PHACTR2: variants seen among roughly 807,000 people sequenced by gnomAD.
PHACTR2 encodes phosphatase and actin regulator 2.
PHACTR2 carries 30 observed loss-of-function variants against 76.0 expected under a neutral mutation model. The observed-to-expected ratio is 0.39, with a 90% CI of 0.30 to 0.54. The LOEUF is 0.54. Among genes scored for constraint, PHACTR2 ranks in the 20% least tolerant of loss-of-function variants. The pLI is 0.61. For missense variants in PHACTR2, 696 were observed against 781.1 expected, an observed-to-expected ratio of 0.89 and a Z score of 1.30; for synonymous variants, 292 against 292.5, an observed-to-expected ratio of 1.00 and a Z score of 0.02.
rs41285023 is a variant in PHACTR2 at position 143,608,313 on chromosome 6, G to A, written c.4G>A (p.Asp2Asn). The change falls in exon 1 of 12, where the codon GAC becomes AAC. Residue 2 changes from aspartate (D) to asparagine (N), a missense_variant. Physicochemically the swap from Asp to Asn is conservative, Grantham distance 23. Transcript: ENST00000305766. The surrounding 1 kb of genome is among the most constrained non-coding windows in gnomAD (Gnocchi z 4.6). ...CTCGCCTCGCCACTCCTGAGACATG[G>A]ACAACGCCGGTGGGTAAATCAAGCA... is the stretch of plus-strand genomic sequence containing the variant. The A allele has an allele frequency of 0.022, 36,228 of 1,614,088 alleles. 512 individuals carry two copies. Among genetic ancestry groups the A allele is most frequent in the Non-Finnish European group, 0.027 (31,716 of 1,179,932 alleles).
Position 143,616,786 on chromosome 6 carries a change from C to G in PHACTR2, c.13+8464C>G, listed in dbSNP as rs1050522995. Among the ~76,000 whole-genome samples, 3 of 152,076 alleles carry G rather than the reference C, an allele frequency of 2.0e-5. No homozygotes were observed. The highest frequency in any genetic ancestry group is 7.2e-5 in the African/African-American group (3 of 41,400). On this transcript the variant is annotated intron_variant, in intron 1 of 11. Coordinates refer to the PHACTR2 transcript ENST00000305766. The surrounding 1 kb of genome is among the most constrained non-coding windows in gnomAD (Gnocchi z 4.9). Reference sequence around the variant, plus strand: ...TGGAGGCTACGCCAGACTCGGTAGTCAGAGAAAGCTTCCTAAGGAGGTGGC... The same window carrying G: ...TGGAGGCTACGCCAGACTCGGTAGTGAGAGAAAGCTTCCTAAGGAGGTGGC...
chr6:143,762,198 G>A (rs1230131323), intron 5 of PHACTR2, among the ~76,000 whole-genome samples: 1 of 152,104 alleles, frequency 6.6e-6, no homozygotes, highest in African/African-American at 2.4e-5. Context: ...TCTGTCATTG[G>A]GAATTAAGCT....
rs1582839686 is a variant in PHACTR2 at position 143,750,268 on chromosome 6, T to G, written c.295+1203T>G. ...CTCTACTTTATGAATGAATTTTATG[T>G]TTTCCCTGTTTTTCTATTATTTTGA... On this transcript the variant is annotated intron_variant, in intron 3 of 12. Transcript: ENST00000440869. The surrounding 1 kb of genome is among the most constrained non-coding windows in gnomAD (Gnocchi z 4.6). Among the ~76,000 whole-genome samples, 1 of 152,228 alleles carries G rather than the reference T, an allele frequency of 6.6e-6. No individual in the cohort carries two copies. Among genetic ancestry groups the G allele is most frequent in the East Asian group, 1.9e-4 (1 of 5,204 alleles).
rs1015600166 is a variant in PHACTR2 at position 143,722,694 on chromosome 6, T to C, written c.214+10511T>C. Among the ~76,000 whole-genome samples, 3 of 152,218 alleles carry C rather than the reference T, an allele frequency of 2.0e-5. No individual in the cohort carries two copies. Among genetic ancestry groups the C allele is most frequent in the Non-Finnish European group, 4.4e-5 (3 of 68,034 alleles). On this transcript the variant is annotated intron_variant, in intron 2 of 12. Coordinates refer to ENST00000440869, the MANE Select transcript of PHACTR2 (RefSeq NM_001100164.2). The surrounding 1 kb of genome is among the most constrained non-coding windows in gnomAD (Gnocchi z 4.1). ...AGCTATAGTCACCCCATTGTGCTAC[T>C]GAACACTAGATCTATTCTTTCTATC...
intron 1 of PHACTR2, among the ~76,000 whole-genome samples, chr6:143,551,426 G>A (rs12530338): frequency 0.58 from 88,607 of 152,084 alleles, 26,817 homozygotes; most frequent in Middle Eastern, 0.71. Context: ...TCAGATAAGT[G>A]TGGATTACTG....
At chr6:143,665,658 C>T (rs1022290268) in intron 1 of PHACTR2, among the ~76,000 whole-genome samples, 3 of 152,194 alleles carry the variant, frequency 2.0e-5, no homozygotes, top group African/African-American at 7.2e-5. Flanking sequence ...TTTCATTACA[C>T]CCACTGCTAC....
chr6:143,540,704 G>GA (rs11375475), intron 1 of PHACTR2, among the ~76,000 whole-genome samples: 29,792 of 143,540 alleles, frequency 0.21, 4,625 homozygotes, highest in African/African-American at 0.45. Flanking sequence ...TGCTTTATCA[G>GA]AAAAAAAAAA....
chr6:143,716,485 CCA>C (rs1489773314), intron 2 of PHACTR2, among the ~76,000 whole-genome samples: 1 of 152,092 alleles, frequency 6.6e-6, no homozygotes, highest in Non-Finnish European at 1.5e-5. Context: ...GCCACGATGC[CCA>C]GTTAATTTTT....
chr6:143,659,750 T>G lies in PHACTR2; in HGVS notation c.13+51428T>G, dbSNP rs1488362726. Among the ~76,000 whole-genome samples the G allele has an allele frequency of 1.3e-5, 2 of 152,188 alleles. No homozygotes were observed. Among genetic ancestry groups the G allele is most frequent in the Admixed American group, 1.3e-4 (2 of 15,278 alleles). On this transcript the variant is annotated intron_variant, in intron 1 of 11. Transcript: ENST00000305766. This position sits in a 1 kb window ranked among gnomAD's most constrained non-coding sequence, Gnocchi z 5.0. ...GGTAAGAAGCATTTATTGTAGTACCTCAGTTAGTCAAATATTTCCTTCCTC... is the reference window on the plus strand; with the variant it reads ...GGTAAGAAGCATTTATTGTAGTACCGCAGTTAGTCAAATATTTCCTTCCTC...
Position 143,816,695 on chromosome 6 carries a change from A to T in PHACTR2, c.1923-6979A>T, listed in dbSNP as rs1472755511. On this transcript the variant is annotated intron_variant, in intron 12 of 12. Transcript: ENST00000440869. The surrounding 1 kb of genome is among the most constrained non-coding windows in gnomAD (Gnocchi z 4.5). ...AAATGGTGTGTGCAGGAAAAAAAAA[A>T]AAATCTTACACTGTCCTCAGTTATT... Among the ~76,000 whole-genome samples the T allele has an allele frequency of 1.3e-5, 2 of 152,190 alleles. No homozygotes were observed. Among genetic ancestry groups the T allele is most frequent in the Non-Finnish European group, 2.9e-5 (2 of 68,036 alleles).
chr6:143,622,196 A>C (rs2128440228), intron 1 of PHACTR2, among the ~76,000 whole-genome samples: 1 of 152,208 alleles, frequency 6.6e-6, no homozygotes, highest in East Asian at 1.9e-4. Context: ...ATGTTTCCTC[A>C]TCATCCAATT....
chr6:143,608,342 A>G lies in PHACTR2; in HGVS notation c.13+20A>G. On this transcript the variant is annotated intron_variant, in intron 1 of 11. Transcript: ENST00000305766. This position sits in a 1 kb window ranked among gnomAD's most constrained non-coding sequence, Gnocchi z 4.6. Reference sequence around the variant, plus strand: ...ACGCCGGTGGGTAAATCAAGCATGAATTCTTCATAGCTGCTGGCTTCCTTT... The same window carrying G: ...ACGCCGGTGGGTAAATCAAGCATGAGTTCTTCATAGCTGCTGGCTTCCTTT... 6.2e-7 allele frequency: 1 copy of G among 1,613,716 alleles called. No individual in the cohort carries two copies. Among genetic ancestry groups the G allele is most frequent in the Non-Finnish European group, 8.5e-7 (1 of 1,179,618 alleles).
In PHACTR2 at chr6:143,753,963, C is replaced by A; in HGVS notation, c.454+51C>A. The A allele has an allele frequency of 7.7e-7, 1 of 1,297,398 alleles. No individual in the cohort carries two copies. Among genetic ancestry groups the A allele is most frequent in the Non-Finnish European group, 1.0e-6 (1 of 956,636 alleles). 80.4% of individuals were successfully genotyped at this position (1,297,398 alleles called of 1,614,324 possible). ...TTTACTTTAGTATATAGCTCAATGT[C>A]TAGAACCAGCACTTAGGCTCCAACT... On this transcript the variant is annotated intron_variant, in intron 4 of 12. Coordinates refer to ENST00000440869, the MANE Select transcript of PHACTR2 (RefSeq NM_001100164.2). The surrounding 1 kb of genome is among the most constrained non-coding windows in gnomAD (Gnocchi z 4.6).
intron 1 of PHACTR2, among the ~76,000 whole-genome samples, chr6:143,622,401 C>G (rs879608661): frequency 6.6e-6 from 1 of 152,170 alleles, no homozygotes; most frequent in South Asian, 2.1e-4. Context: ...GTTCTCCTCG[C>G]GTACATCTGG....
intron 2 of PHACTR2, among the ~76,000 whole-genome samples, chr6:143,721,698 G>C (rs1032995349): frequency 6.6e-6 from 1 of 151,854 alleles, no homozygotes; most frequent in Non-Finnish European, 1.5e-5. Flanking sequence ...ATTGTTACAT[G>C]ATCATCCTTC....
chr6:143,620,728 G>T (rs765494928), intron 1 of PHACTR2, among the ~76,000 whole-genome samples: 2 of 152,210 alleles, frequency 1.3e-5, no homozygotes, highest in Non-Finnish European at 2.9e-5. Context: ...ACAAGGCATA[G>T]GCCATGCCAA....
In PHACTR2 at chr6:143,783,357, A is replaced by G; in HGVS notation, c.1707+77A>G. On this transcript the variant is annotated intron_variant, in intron 10 of 12. Coordinates refer to ENST00000440869, the MANE Select transcript of PHACTR2 (RefSeq NM_001100164.2). This position sits in a 1 kb window ranked among gnomAD's most constrained non-coding sequence, Gnocchi z 5.2. ...AAAAAAAAATACTAATCCTCTCTGTATGTGTAAATCAGATGTTTAGAAATA... is the reference window on the plus strand; with the variant it reads ...AAAAAAAAATACTAATCCTCTCTGTGTGTGTAAATCAGATGTTTAGAAATA... 1 of 803,744 alleles carries G rather than the reference A, an allele frequency of 1.2e-6. No homozygotes were observed. The highest frequency in any genetic ancestry group is 2.1e-6 in the Non-Finnish European group (1 of 475,180). 49.8% of individuals were successfully genotyped at this position (803,744 alleles called of 1,614,324 possible).
chr6:143,565,376 T>C (rs951647861), intron 1 of PHACTR2, among the ~76,000 whole-genome samples: 4 of 152,116 alleles, frequency 2.6e-5, no homozygotes, highest in Non-Finnish European at 5.9e-5. Flanking sequence ...CCCGGCACTT[T>C]GGGAGTCCAA....
rs1338848974 is a variant in PHACTR2, at chr6:143,765,053, G to A, written c.695-208G>A. ...GACTCTTGTTCCTCTGAGTTTTGCC[G>A]TAAATATCACTTGCTCCTTGCTGGA... On this transcript the variant is annotated intron_variant, in intron 5 of 12. Coordinates refer to ENST00000440869, the MANE Select transcript of PHACTR2 (RefSeq NM_001100164.2). This position sits in a 1 kb window ranked among gnomAD's most constrained non-coding sequence, Gnocchi z 4.1. Among the ~76,000 whole-genome samples, 7 of 152,124 alleles carry A rather than the reference G, an allele frequency of 4.6e-5. No individual in the cohort carries two copies. Among genetic ancestry groups the A allele is most frequent in the South Asian group, 2.1e-4 (1 of 4,822 alleles).
Sources: allele counts gnomAD v4.1 joint callset (sites outside exome capture counted in the v4.1 genomes callset), GRCh38; gene constraint gnomAD v4.1.1; non-coding constraint Gnocchi (gnomAD v3.1); transcripts MANE v1.5; gene names NCBI Gene and HGNC (gene_info 2026-07-23, HGNC 2026-07-21).